SUMF1: variants seen among roughly 807,000 people sequenced by gnomAD.
The protein encoded by SUMF1 is formylglycine-generating enzyme.
A neutral mutation model predicts 47.6 loss-of-function variants in SUMF1; 48 were observed. That is an observed-to-expected ratio of 1.01 (90% CI 0.80 to 1.28). The LOEUF (loss-of-function observed/expected upper bound fraction) is 1.28. Ranked by LOEUF, SUMF1 falls within the 50% of genes most tolerant of loss-of-function variation. SUMF1 has a pLI of 0.00. For missense variants in SUMF1, 571 were observed against 485.4 expected (o/e 1.18, Z -1.66); for synonymous variants, 230 against 192.1 (o/e 1.20, Z -1.63).
At chr3:4,222,790 C>T (rs369027320) in intron 8 of SUMF1, among the ~76,000 whole-genome samples, 2 of 151,998 alleles carry the variant, frequency 1.3e-5, no homozygotes, top group East Asian at 1.9e-4. Flanking sequence ...GAGTCATTGC[C>T]GCTGGGTGAG....
Position 4,343,779 on chromosome 3 carries a change from T to C in SUMF1, c.1014+32551A>G, listed in dbSNP as rs76069117. Among the ~76,000 whole-genome samples the C allele has an allele frequency of 4.8e-3, 735 of 152,354 alleles. 7 individuals are homozygous for C. Among genetic ancestry groups the C allele is most frequent in the African/African-American group, 0.017 (709 of 41,582 alleles). ...CACAATTTGAAATAACCATATGTTT[T>C]GATGCAGCAGCTAGACTCCCAGGAA... is the stretch of plus-strand genomic sequence containing the variant. On this transcript the variant is annotated intron_variant and NMD_transcript_variant, in intron 8 of 12. Coordinates refer to the SUMF1 transcript ENST00000448413.
At chr3:4,297,604 G>A (rs960852025) in intron 8 of SUMF1, among the ~76,000 whole-genome samples, 10 of 132,046 alleles carry the variant, frequency 7.6e-5, no homozygotes, top group South Asian at 2.4e-4. Context: ...GTCTGGCTAC[G>A]TTGCCCAAGC....
intron 8 of SUMF1, among the ~76,000 whole-genome samples, chr3:4,138,628 C>G (rs370391553): frequency 2.0e-5 from 3 of 152,112 alleles, no homozygotes; most frequent in African/African-American, 4.8e-5. Flanking sequence ...TCACACATCA[C>G]AGCTAGGATG....
intron 3 of SUMF1, among the ~76,000 whole-genome samples, chr3:4,431,249 G>A (rs1702222987): frequency 6.6e-6 from 1 of 152,216 alleles, no homozygotes; most frequent in African/African-American, 2.4e-5. Flanking sequence ...AGACCGGATT[G>A]AGAACCTGCC....
At chr3:4,039,205 GC>G in intron 9 of SUMF1, among the ~76,000 whole-genome samples, 1 of 20,378 alleles carries the variant, frequency 4.9e-5, no homozygotes, top group East Asian at 4.3e-3. Context: ...AAACATCTAT[GC>G]AAATTTTTTT....
chr3:4,192,962 A>G (rs1190199962), intron 8 of SUMF1, among the ~76,000 whole-genome samples: 2 of 152,144 alleles, frequency 1.3e-5, no homozygotes, highest in African/African-American at 4.8e-5. Context: ...AATATTTAAT[A>G]CACATTAGCT....
intron 8 of SUMF1, among the ~76,000 whole-genome samples, chr3:4,264,708 T>C (rs566087294): frequency 6.6e-6 from 1 of 152,294 alleles, no homozygotes; most frequent in South Asian, 2.1e-4. Flanking sequence ...TCATTGTAAA[T>C]GTGAGATATG....
chr3:4,410,862 C>T lies in SUMF1; in HGVS notation c.954+3G>A. The T allele has an allele frequency of 6.2e-7, 1 of 1,613,372 alleles. No homozygotes were observed. Among genetic ancestry groups the T allele is most frequent in the East Asian group, 2.2e-5 (1 of 44,874 alleles). ...AGACACATGCTCTGTGAATAATACTCACTGGGTTAAGCGTTTCTTCAACAG... is the reference window on the plus strand; with the variant it reads ...AGACACATGCTCTGTGAATAATACTTACTGGGTTAAGCGTTTCTTCAACAG... On this transcript the variant is annotated splice_donor_region_variant and intron_variant, in intron 7 of 8. Coordinates refer to ENST00000272902, the MANE Select transcript of SUMF1 (RefSeq NM_182760.4).
intron 8 of SUMF1, among the ~76,000 whole-genome samples, chr3:4,340,509 C>G (rs1386026012): frequency 6.6e-6 from 1 of 152,164 alleles, no homozygotes; most frequent in East Asian, 1.9e-4. Flanking sequence ...TCAAAAAGAT[C>G]ACTTTCACTA....
intron 8 of SUMF1, chr3:4,313,408 A>G (rs1698499810): frequency 6.2e-7 from 1 of 1,613,836 alleles, no homozygotes; most frequent in Admixed American, 1.7e-5. Flanking sequence ...AAGATTCCTT[A>G]ATCATTCTTG....
At chr3:4,128,957 A>G (rs1318918364) in intron 8 of SUMF1, among the ~76,000 whole-genome samples, 1 of 152,110 alleles carries the variant, frequency 6.6e-6, no homozygotes, top group Non-Finnish European at 1.5e-5. Flanking sequence ...CTGTGAGTGA[A>G]TTGGGAATGC....
chr3:4,466,826 A>AGGAACTCCTCATACGGGAACAG, intron 1 of SUMF1, 150 bp downstream of exon 1: 2 of 1,231,128 alleles, frequency 1.6e-6, no homozygotes, highest in Non-Finnish European at 2.2e-6. Context: ...GGCACGGAGA[A>AGGAACTCCTCATACGGGAACAG]GGAACTCCTC....
chr3:4,214,025 T>C lies in SUMF1; in HGVS notation c.1015-145280A>G, dbSNP rs142085004. 5.9e-5 allele frequency among the ~76,000 whole-genome samples: 9 copies of C among 152,180 alleles called. No individual in the cohort carries two copies. The East Asian group carries it at 1.7e-3, about 29-fold the overall frequency. ...ATGAGACAGAAAATTAACAAGGATA[T>C]TCAGGACTTGAACTCAGCTCTGGAC... On this transcript the variant is annotated intron_variant and NMD_transcript_variant, in intron 8 of 12. Transcript: ENST00000448413.
At position 4,455,957 on chromosome 3, in the gene SUMF1, T is replaced by C. The variant is rs140977901; in HGVS notation, c.271-2908A>G. Among the ~76,000 whole-genome samples, 291 of 152,008 alleles carry C rather than the reference T, an allele frequency of 1.9e-3. 1 individual carries two copies. Among genetic ancestry groups the C allele is most frequent in the Non-Finnish European group, 2.9e-3 (198 of 67,972 alleles). On this transcript the variant is annotated intron_variant, in intron 1 of 8. Transcript: ENST00000272902. ...TACAGGCCAATATCCCTAATGAACA[T>C]AGATGCAAACATTCTAACAAAATAC...
intron 8 of SUMF1, among the ~76,000 whole-genome samples, chr3:4,249,033 G>A (rs552818298): frequency 6.6e-6 from 1 of 152,286 alleles, no homozygotes; most frequent in African/African-American, 2.4e-5. Flanking sequence ...TCACTGAGTG[G>A]CCTTGCTGGT....
intron 8 of SUMF1, among the ~76,000 whole-genome samples, chr3:4,128,767 A>G (rs1693717555): frequency 6.6e-6 from 1 of 152,102 alleles, no homozygotes; most frequent in Non-Finnish European, 1.5e-5. Flanking sequence ...CGGGCATGGG[A>G]ATGGATAGTA....
At position 4,198,855 on chromosome 3, in the gene SUMF1, A is replaced by G. The variant is rs369987975; in HGVS notation, c.1015-130110T>C. ...TCCCTTTCAAGAACCACCATGAAGT[A>G]TTCTGTCCAAAAAGAAAAAAAAAGA... On this transcript the variant is annotated intron_variant and NMD_transcript_variant, in intron 8 of 12. Transcript: ENST00000448413. Among the ~76,000 whole-genome samples, 15 of 152,218 alleles carry G rather than the reference A, an allele frequency of 9.9e-5. 3 individuals are homozygous for G. Among genetic ancestry groups the G allele is most frequent in the Admixed American group, 6.5e-5 (1 of 15,282 alleles).
intron 8 of SUMF1, among the ~76,000 whole-genome samples, chr3:4,119,699 C>G (rs1354540987): frequency 6.7e-6 from 1 of 149,602 alleles, no homozygotes; most frequent in Non-Finnish European, 1.5e-5. Flanking sequence ...CAAGAGGCCA[C>G]ACACACATAC....
At chr3:4,358,008 T>G (rs1220665314), downstream of SUMF1, among the ~76,000 whole-genome samples, 4 of 151,978 alleles carry the variant, frequency 2.6e-5, no homozygotes, top group African/African-American at 7.3e-5. Flanking sequence ...AAGTAAAAGG[T>G]GGGGGTGAAA....
Sources: allele counts gnomAD v4.1 joint callset (sites outside exome capture counted in the v4.1 genomes callset), GRCh38; gene constraint gnomAD v4.1.1; transcripts MANE v1.5; gene names NCBI Gene and HGNC (gene_info 2026-07-23, HGNC 2026-07-21).